MAPK8: variants seen among roughly 807,000 people sequenced by gnomAD.
The protein encoded by MAPK8 is mitogen-activated protein kinase 8.
A neutral mutation model predicts 52.9 loss-of-function variants in MAPK8; 13 were observed. That is an observed-to-expected ratio of 0.25 (90% CI 0.16 to 0.39). MAPK8 has a LOEUF of 0.39. MAPK8 is among the 10% of genes least tolerant of loss of function. The probability of loss-of-function intolerance (pLI) is 1.00; values close to 1 mark genes in which losing one functional copy is unlikely to be tolerated. For synonymous variants in MAPK8, 191 were observed against 169.8 expected, an observed-to-expected ratio of 1.12 and a Z score of -0.97; for missense variants, 300 against 519.2, an observed-to-expected ratio of 0.58 and a Z score of 4.10.
At chr10:48,420,788 A>C (rs1214924603) in intron 6 of MAPK8, among the ~76,000 whole-genome samples, 1 of 152,220 alleles carries the variant, frequency 6.6e-6, no homozygotes, top group Non-Finnish European at 1.5e-5. Context: ...CTGATGGATA[A>C]TTAAGGTGAC....
At chr10:48,387,248 CA>C (rs924246243) in intron 1 of MAPK8, among the ~76,000 whole-genome samples, 22 of 152,276 alleles carry the variant, frequency 1.4e-4, no homozygotes, top group African/African-American at 5.3e-4. Context: ...GTGGCCAGGG[CA>C]AACAAAGTTG....
At chr10:48,395,164 C>G (rs61838677) in intron 1 of MAPK8, among the ~76,000 whole-genome samples, 5,825 of 151,816 alleles carry the variant, frequency 0.038, 118 homozygotes, top group African/African-American at 0.047. Flanking sequence ...AAGCTTAGTT[C>G]TGATATTTAT....
chr10:48,430,095 T>A (rs1342945095), intron 10 of MAPK8: 1 of 152,204 alleles, frequency 6.6e-6, no homozygotes, highest in Non-Finnish European at 1.5e-5. Context: ...TTTGTTTGTT[T>A]TTGTTTTTTT....
At chr10:48,418,904 T>C (rs180691642) in intron 5 of MAPK8, among the ~76,000 whole-genome samples, 267 of 152,358 alleles carry the variant, frequency 1.8e-3, no homozygotes, top group African/African-American at 6.0e-3. Context: ...TCTGCTAGTA[T>C]AAAGAGCCAG....
chr10:48,311,221 T>A (rs929606090), intron 1 of MAPK8, among the ~76,000 whole-genome samples: 1 of 152,210 alleles, frequency 6.6e-6, no homozygotes, highest in Non-Finnish European at 1.5e-5. Context: ...ATATTTAACT[T>A]TGAACAAACA....
At chr10:48,359,193 A>G (rs1847297161) in intron 1 of MAPK8, among the ~76,000 whole-genome samples, 1 of 152,052 alleles carries the variant, frequency 6.6e-6, no homozygotes, top group South Asian at 2.1e-4. Flanking sequence ...TTCCTAATTC[A>G]AATTATTATT....
At chr10:48,416,218 C>T (rs2043058033) in intron 5 of MAPK8, among the ~76,000 whole-genome samples, 1 of 152,192 alleles carries the variant, frequency 6.6e-6, no homozygotes, top group Admixed American at 6.5e-5. Context: ...GAGACCAAAG[C>T]TGACGAGGTC....
At chr10:48,405,988 C>G (rs1185815012) in intron 3 of MAPK8, among the ~76,000 whole-genome samples, 1 of 152,144 alleles carries the variant, frequency 6.6e-6, no homozygotes, top group African/African-American at 2.4e-5. Context: ...AGTTAAATAT[C>G]AAACATCACA....
At chr10:48,342,689 C>T (rs533209512) in intron 1 of MAPK8, among the ~76,000 whole-genome samples, 17 of 152,242 alleles carry the variant, frequency 1.1e-4, no homozygotes, top group African/African-American at 3.9e-4. Flanking sequence ...GGAGGAGTAA[C>T]TCCTCAGAGT....
At chr10:48,365,564 C>T (rs1292776027) in intron 1 of MAPK8, among the ~76,000 whole-genome samples, 1 of 152,038 alleles carries the variant, frequency 6.6e-6, no homozygotes, top group Non-Finnish European at 1.5e-5. Flanking sequence ...CACAATGTTG[C>T]CTTGTGTGGA....
chr10:48,420,567 C>T (rs1459088817), intron 6 of MAPK8, among the ~76,000 whole-genome samples: 1 of 152,008 alleles, frequency 6.6e-6, no homozygotes, highest in Non-Finnish European at 1.5e-5. Flanking sequence ...AATTTGTTGC[C>T]GTGGCCCTGA....
chr10:48,314,402 C>CA (rs1182166665), intron 1 of MAPK8, among the ~76,000 whole-genome samples: 7 of 152,174 alleles, frequency 4.6e-5, no homozygotes, highest in Non-Finnish European at 1.0e-4. Flanking sequence ...TGGAGGGACA[C>CA]AGACAGTCCA....
At chr10:48,340,174 A>G (rs996429139) in intron 1 of MAPK8, among the ~76,000 whole-genome samples, 7 of 152,264 alleles carry the variant, frequency 4.6e-5, no homozygotes, top group African/African-American at 1.4e-4. Flanking sequence ...AGTGGATTAG[A>G]TAAAAGAAAA....
intron 1 of MAPK8, among the ~76,000 whole-genome samples, chr10:48,314,411 C>T (rs1319106122): frequency 6.6e-6 from 1 of 152,130 alleles, no homozygotes; most frequent in Non-Finnish European, 1.5e-5. Context: ...ACAGACAGTC[C>T]ATAACATCAT....
At chr10:48,387,661 G>A (rs1417471103) in intron 1 of MAPK8, among the ~76,000 whole-genome samples, 1 of 152,058 alleles carries the variant, frequency 6.6e-6, no homozygotes, top group East Asian at 1.9e-4. Flanking sequence ...AGACAATTCT[G>A]CCCATCCTAG....
chr10:48,426,362 A>G lies in MAPK8; in HGVS notation c.872-18A>G. The G allele has an allele frequency of 6.3e-7, 1 of 1,592,270 alleles. No homozygotes were observed. Among genetic ancestry groups the G allele is most frequent in the South Asian group, 1.2e-5 (1 of 86,152 alleles). ...AATCTTTACAAATATATGTACATTA[A>G]CACCATTATGTTTGCAGCCAGTCAG... On this transcript the variant is annotated intron_variant, in intron 8 of 11. Coordinates refer to ENST00000374189, the MANE Select transcript of MAPK8 (RefSeq NM_001323329.2).
chr10:48,363,076 G>A (rs1564532267), intron 1 of MAPK8, among the ~76,000 whole-genome samples: 1 of 152,054 alleles, frequency 6.6e-6, no homozygotes, highest in African/African-American at 2.4e-5. Context: ...TCGCTGTGTT[G>A]CCCAGACTGG....
At chr10:48,346,551 G>C (rs79317446) in intron 1 of MAPK8, among the ~76,000 whole-genome samples, 2 of 152,150 alleles carry the variant, frequency 1.3e-5, no homozygotes, top group African/African-American at 2.4e-5. Context: ...TGGGAAGCAG[G>C]GGGGAGGGTC....
At chr10:48,315,707 A>G (rs1346853385) in intron 1 of MAPK8, among the ~76,000 whole-genome samples, 6 of 149,778 alleles carry the variant, frequency 4.0e-5, no homozygotes, top group African/African-American at 1.5e-4. Flanking sequence ...TATTTCATAT[A>G]TTAAATAATA....
Sources: gnomAD v4.1 joint callset for allele counts (sites outside exome capture counted in the v4.1 genomes callset) on GRCh38, gnomAD v4.1.1 for gene constraint, MANE v1.5 for transcripts, NCBI Gene and HGNC (gene_info 2026-07-23, HGNC 2026-07-21) for gene names.